The following C1QTNF3 variants were observed in gnomAD, a reference collection of about 807,000 sequenced individuals.
The protein encoded by C1QTNF3 is C1q and TNF related 3.
A neutral mutation model predicts 32.6 loss-of-function variants in C1QTNF3; 26 were observed. That is an observed-to-expected ratio of 0.80 (90% CI 0.58 to 1.11). C1QTNF3 has a LOEUF of 1.11. Ranked by LOEUF, C1QTNF3 falls within the 50% of genes least tolerant of loss-of-function variation. C1QTNF3 has a pLI of 0.00. For synonymous variants in C1QTNF3, 155 were observed against 146.0 expected (o/e 1.06, Z -0.44); for missense variants, 362 against 398.2 (o/e 0.91, Z 0.77).
intron 2 of C1QTNF3, among the ~76,000 whole-genome samples, chr5:34,035,132 C>T (rs1371037056): frequency 2.0e-5 from 3 of 152,172 alleles, no homozygotes; most frequent in Non-Finnish European, 4.4e-5. Context: ...TGCCTGGTGG[C>T]ATTGGCACAG....
the C1QTNF3 span, among the ~76,000 whole-genome samples, chr5:34,227,827 T>G: frequency 6.6e-6 from 1 of 151,966 alleles, no homozygotes; most frequent in African/African-American, 2.4e-5. Context: ...ACTATATCCT[T>G]ACAACTTGTC....
At chr5:34,100,912 AT>A in the C1QTNF3 span, among the ~76,000 whole-genome samples, 1 of 151,962 alleles carries the variant, frequency 6.6e-6, no homozygotes, top group African/African-American at 2.4e-5. Flanking sequence ...GTAATCATTC[AT>A]ATTTATTATT....
chr5:34,176,631 C>A, the C1QTNF3 span, among the ~76,000 whole-genome samples: 1 of 152,108 alleles, frequency 6.6e-6, no homozygotes, highest in African/African-American at 2.4e-5. Context: ...GTCTGTCATC[C>A]AAGCACTTTG....
chr5:34,048,289 T>TGAGAGAGAGAGAGA, the C1QTNF3 span, among the ~76,000 whole-genome samples: 2,249 of 141,102 alleles, frequency 0.016, 25 homozygotes, highest in Middle Eastern at 0.025. Context: ...TGTGTGTGCA[T>TGAGAGAGAGAGAGA]GAGAGAGAGA....
At position 34,035,699 on chromosome 5, in the gene C1QTNF3, G is replaced by T. The variant is rs1300443805; in HGVS notation, c.363C>A (p.Ser121Arg). The T allele has an allele frequency of 6.2e-7, 1 of 1,612,286 alleles. No homozygotes were observed. Among genetic ancestry groups the T allele is most frequent in the Non-Finnish European group, 8.5e-7 (1 of 1,179,526 alleles). ...CAGGGGGGCCTTGGTAGCCTCGAAA[G>T]CTGTAGTCTCCATGACAACACTTAC... ...DCSKCCHGDY[S>R]FRGYQGPPGP... Residue 121 changes from serine (S) to arginine (R), a missense_variant, in exon 2 of 6, where the codon AGC (serine) becomes AGA (arginine). Coordinates refer to ENST00000382065, the MANE Select transcript of C1QTNF3 (RefSeq NM_181435.6).
At chr5:34,085,559 A>T in the C1QTNF3 span, among the ~76,000 whole-genome samples, 1 of 151,560 alleles carries the variant, frequency 6.6e-6, no homozygotes, top group Non-Finnish European at 1.5e-5. Flanking sequence ...GTTACTGTAG[A>T]CTTGTAGTAT....
the C1QTNF3 span, among the ~76,000 whole-genome samples, chr5:34,085,982 A>G: frequency 6.7e-6 from 1 of 149,908 alleles, no homozygotes; most frequent in Admixed American, 6.6e-5. Context: ...ATAAAGATAC[A>G]TGCACATGTA....
the C1QTNF3 span, among the ~76,000 whole-genome samples, chr5:34,125,688 A>T: frequency 6.6e-6 from 1 of 152,228 alleles, no homozygotes; most frequent in Non-Finnish European, 1.5e-5. Context: ...ATATTTTTAA[A>T]AGGTTTCACG....
intron 1 of C1QTNF3, among the ~76,000 whole-genome samples, chr5:34,036,679 T>C (rs1754748195): frequency 6.6e-6 from 1 of 152,344 alleles, no homozygotes. Flanking sequence ...GGGCTGAGCA[T>C]GGTGGCTGAT....
chr5:34,049,964 C>T, the C1QTNF3 span, among the ~76,000 whole-genome samples: 1 of 152,060 alleles, frequency 6.6e-6, no homozygotes, highest in East Asian at 1.9e-4. Context: ...TGGTGTTAGA[C>T]CAAACAACAG....
At chr5:34,082,155 C>A in the C1QTNF3 span, among the ~76,000 whole-genome samples, 68 of 151,600 alleles carry the variant, frequency 4.5e-4, 3 homozygotes, top group African/African-American at 1.6e-3. Flanking sequence ...AAGGAAATAG[C>A]AGATATAAAT....
the C1QTNF3 span, among the ~76,000 whole-genome samples, chr5:34,071,776 G>A: frequency 8.5e-5 from 13 of 152,062 alleles, no homozygotes; most frequent in Non-Finnish European, 1.5e-4. Context: ...AACCTTAAAA[G>A]AAGAAAGAAA....
At chr5:34,120,337 C>G in the C1QTNF3 span, among the ~76,000 whole-genome samples, 1 of 151,568 alleles carries the variant, frequency 6.6e-6, no homozygotes, top group African/African-American at 2.4e-5. Flanking sequence ...GTATAGCCAT[C>G]TATAGTCTTG....
At chr5:34,035,846 T>A in intron 1 of C1QTNF3, 88 bp from the exon 2 acceptor site, 1 of 925,432 alleles carries the variant, frequency 1.1e-6, no homozygotes, top group Non-Finnish European at 1.7e-6. Context: ...GGCCCTTAGG[T>A]AAGCTTAATT....
At chr5:34,241,799 C>A in the C1QTNF3 span, among the ~76,000 whole-genome samples, 9 of 151,750 alleles carry the variant, frequency 5.9e-5, no homozygotes, top group African/African-American at 2.2e-4. Flanking sequence ...GTCCTAACTA[C>A]CCTGACGGCT....
the C1QTNF3 span, among the ~76,000 whole-genome samples, chr5:34,204,712 GATT>G: frequency 6.6e-5 from 10 of 150,696 alleles, no homozygotes; most frequent in Non-Finnish European, 1.5e-4. Flanking sequence ...GAGGTAATAA[GATT>G]ATATTTGTAT....
chr5:34,215,543 T>C, the C1QTNF3 span, among the ~76,000 whole-genome samples: 7 of 152,246 alleles, frequency 4.6e-5, no homozygotes, highest in Non-Finnish European at 8.8e-5. Context: ...GGGTTTATTT[T>C]GTATACGCCT....
At chr5:34,051,659 G>A in the C1QTNF3 span, among the ~76,000 whole-genome samples, 1 of 152,226 alleles carries the variant, frequency 6.6e-6, no homozygotes, top group Non-Finnish European at 1.5e-5. Flanking sequence ...TACTTCCTGA[G>A]AAGGCAGGGT....
chr5:34,039,909 T>G (rs1436662176), intron 1 of C1QTNF3, among the ~76,000 whole-genome samples: 1 of 152,218 alleles, frequency 6.6e-6, no homozygotes, highest in Non-Finnish European at 1.5e-5. Context: ...ACCAAGCTAC[T>G]TGAGGGCACT....
Sources: gnomAD v4.1 joint callset for allele counts (sites outside exome capture counted in the v4.1 genomes callset) on GRCh38, gnomAD v4.1.1 for gene constraint, MANE v1.5 for transcripts, NCBI Gene and HGNC (gene_info 2026-07-23, HGNC 2026-07-21) for gene names.